Variants in DACH2 observed in about 807,000 individuals in gnomAD.
DACH2 encodes dachshund family transcription factor 2.
A neutral mutation model predicts 35.8 loss-of-function variants in DACH2; 17 were observed. The ratio of observed to expected loss-of-function variants is 0.48; its 90% CI spans 0.33 to 0.71. DACH2 has a LOEUF of 0.71. Ranked by LOEUF, DACH2 falls within the 30% of genes least tolerant of loss-of-function variation. DACH2 has a pLI of 0.02. For missense variants in DACH2, 469 were observed against 472.7 expected, an observed-to-expected ratio of 0.99 and a Z score of 0.07; for synonymous variants, 195 against 177.3, an observed-to-expected ratio of 1.10 and a Z score of -0.79.
At chrX:86,302,176 C>A (rs1407182617) in intron 1 of DACH2, among the ~76,000 whole-genome samples, 1 of 111,064 alleles carries the variant, frequency 9.0e-6, no homozygotes, top group Non-Finnish European at 1.9e-5. Context: ...TAGATGCAAT[C>A]TTTGACTTCC....
chrX:86,507,512 C>T (rs749226854), intron 2 of DACH2, among the ~76,000 whole-genome samples: 114 of 100,869 alleles, frequency 1.1e-3, no homozygotes, highest in African/African-American at 4.1e-3. Context: ...GCAAATTACA[C>T]AGAAGCCTTC....
intron 2 of DACH2, among the ~76,000 whole-genome samples, chrX:86,495,649 AG>A (rs1343903541): frequency 9.2e-6 from 1 of 109,246 alleles, no homozygotes; most frequent in Non-Finnish European, 1.9e-5. Flanking sequence ...ATCTCTAAAA[AG>A]GAAAATATGA....
rs2042578387 is a variant in DACH2, at chrX:86,828,012, C to T, written c.1751-4094C>T. ...TAATAATGACTGAACACATTTTACA[C>T]TTCTTTAACCTCTTTCTTTCAAGGA... On this transcript the variant is annotated intron_variant, in intron 11 of 11. Transcript: ENST00000373125. 8 of 321,365 alleles carry T rather than the reference C, an allele frequency of 2.5e-5. 1 individual carries two copies. In the South Asian group the frequency reaches 6.3e-4, roughly 25 times the overall value. The allele number at this position is 321,365 out of a possible 1,213,427, so 26.5% of individuals were successfully genotyped here.
intron 1 of DACH2, among the ~76,000 whole-genome samples, chrX:86,155,952 C>T (rs568570989): frequency 9.0e-6 from 1 of 110,757 alleles, no homozygotes. Flanking sequence ...TGAAAATGAA[C>T]TTCAATAAAT....
chrX:86,499,401 GC>G, intron 2 of DACH2, among the ~76,000 whole-genome samples: 1 of 111,495 alleles, frequency 9.0e-6, no homozygotes, highest in African/African-American at 3.3e-5. Flanking sequence ...CAGTATGGAG[GC>G]AAGTGAAAGT....
intron 2 of DACH2, among the ~76,000 whole-genome samples, chrX:86,410,429 T>C (rs1443123565): frequency 8.9e-6 from 1 of 111,829 alleles, no homozygotes; most frequent in Non-Finnish European, 1.9e-5. Flanking sequence ...TGTTGCCTAA[T>C]ATATTAATAT....
At chrX:86,573,847 CT>C (rs1376993877) in intron 3 of DACH2, among the ~76,000 whole-genome samples, 1 of 111,527 alleles carries the variant, frequency 9.0e-6, no homozygotes, top group Non-Finnish European at 1.9e-5. Context: ...GCTGCAAATA[CT>C]TTTATGTCTT....
chrX:86,255,417 G>A (rs936561434), intron 1 of DACH2, among the ~76,000 whole-genome samples: 1 of 111,560 alleles, frequency 9.0e-6, no homozygotes, highest in Non-Finnish European at 1.9e-5. Context: ...CTTTTGGTTT[G>A]GAATGAAAGA....
chrX:86,694,618 A>T (rs917067384), intron 4 of DACH2, among the ~76,000 whole-genome samples: 1 of 112,351 alleles, frequency 8.9e-6, no homozygotes, highest in Non-Finnish European at 1.9e-5. Flanking sequence ...GCATGTTATC[A>T]TGCTCTTACA....
intron 1 of DACH2, among the ~76,000 whole-genome samples, chrX:86,269,766 C>A (rs960757324): frequency 6.4e-5 from 7 of 109,928 alleles, no homozygotes; most frequent in Non-Finnish European, 1.3e-4. Context: ...ATGTTAGAAC[C>A]TATTTTTGGT....
chrX:86,764,700 T>C (rs1285964032), intron 7 of DACH2, among the ~76,000 whole-genome samples: 2 of 111,324 alleles, frequency 1.8e-5, no homozygotes, highest in African/African-American at 6.5e-5. Context: ...AATGGGTGCA[T>C]GTGCCTTTTT....
chrX:86,148,729 C>T lies in DACH2; in HGVS notation c.109C>T (p.Arg37Cys), dbSNP rs765080155. The T allele has an allele frequency of 2.5e-6, 3 of 1,208,718 alleles. No homozygotes were observed. In the African/African-American group the frequency reaches 5.3e-5, roughly 21 times the overall value. Residue 37 changes from arginine (R) to cysteine (C), a missense_variant, in exon 1 of 12, where the codon CGT becomes TGT. Transcript: ENST00000373125. ...PLYSTPREPPRLTPNMINSFV... is the reference protein window; with the variant it reads ...PLYSTPREPPCLTPNMINSFV... The stretch of plus-strand genomic sequence containing the variant: ...GTACTCGACTCCCAGAGAGCCCCCT[C>T]GTCTTACTCCTAATATGATCAATAG...
At chrX:86,564,716 C>A (rs928982179) in intron 3 of DACH2, among the ~76,000 whole-genome samples, 2 of 111,444 alleles carry the variant, frequency 1.8e-5, no homozygotes, top group Non-Finnish European at 3.8e-5. Context: ...CTAACAGCAG[C>A]AACCATGTGT....
chrX:86,305,255 G>A (rs1188798909), intron 1 of DACH2, among the ~76,000 whole-genome samples: 1 of 111,803 alleles, frequency 8.9e-6, no homozygotes, highest in Non-Finnish European at 1.9e-5. Context: ...GGCCTGTCAT[G>A]GGTGTATGTA....
At chrX:86,602,857 A>G (rs1306554011) in intron 3 of DACH2, among the ~76,000 whole-genome samples, 4 of 111,551 alleles carry the variant, frequency 3.6e-5, no homozygotes, top group Non-Finnish European at 7.5e-5. Flanking sequence ...AGTTTTAAAG[A>G]TGTTGTTTTT....
chrX:86,829,156 C>A (rs1035583065), intron 11 of DACH2: 2 of 111,924 alleles, frequency 1.8e-5, no homozygotes, highest in African/African-American at 6.5e-5. Context: ...AAAGCATAAG[C>A]ATTTGGATTC....
rs1445901799 is a variant in DACH2, at chrX:86,667,602, A to AAGAAAGAAAG, written c.772+16437_772+16446dup. On this transcript the variant is annotated intron_variant, in intron 4 of 11. Transcript: ENST00000373125. Reference sequence around the variant, plus strand: ...AAAGAAAGAAAGAAAGAAAGAAAGAAAGAAAGAAAGAAAGGCAGGCAGGCC... The same window carrying AAGAAAGAAAG: ...AAAGAAAGAAAGAAAGAAAGAAAGAAAGAAAGAAAGAGAAAGAAAGAAAGGCAGGCAGGCC... 2.3e-3 allele frequency among the ~76,000 whole-genome samples: 239 copies of AAGAAAGAAAG among 102,892 alleles called. 5 individuals carry two copies. The highest frequency in any genetic ancestry group is 8.9e-3 in the African/African-American group (226 of 25,491). The allele number at this position is 102,892 out of a possible 115,157, so 89.3% of individuals were successfully genotyped here.
At chrX:86,718,191 C>T (rs1395392607) in intron 6 of DACH2, among the ~76,000 whole-genome samples, 1 of 111,163 alleles carries the variant, frequency 9.0e-6, no homozygotes, top group Non-Finnish European at 1.9e-5. Context: ...ATAGCCATTC[C>T]GACTCATGTA....
chrX:86,406,114 C>T (rs749215330), intron 2 of DACH2, among the ~76,000 whole-genome samples: 1 of 111,270 alleles, frequency 9.0e-6, no homozygotes, highest in Non-Finnish European at 1.9e-5. Flanking sequence ...GGGACACGGC[C>T]AAATCATATC....
Sources: allele counts gnomAD v4.1 joint callset (sites outside exome capture counted in the v4.1 genomes callset), GRCh38; gene constraint gnomAD v4.1.1; transcripts MANE v1.5; gene names NCBI Gene and HGNC (gene_info 2026-07-23, HGNC 2026-07-21).